The following EPB41L4A variants were observed in gnomAD, a reference collection of about 807,000 sequenced individuals.
The protein encoded by EPB41L4A is band 4.1-like protein 4A.
A neutral mutation model predicts 108.6 loss-of-function variants in EPB41L4A; 100 were observed. The observed-to-expected ratio is 0.92, with a 90% CI of 0.78 to 1.09. The LOEUF (loss-of-function observed/expected upper bound fraction) is 1.09, where lower values mean the gene tolerates loss of function less well. Among genes scored for constraint, EPB41L4A ranks in the 50% least tolerant of loss-of-function variants. The pLI is 0.00. For missense variants in EPB41L4A, 1,030 were observed against 842.7 expected (o/e 1.22, Z -2.75); for synonymous variants, 319 against 289.0 (o/e 1.10, Z -1.05).
At chr5:112,242,219 C>T (rs1212402612) in intron 9 of EPB41L4A, among the ~76,000 whole-genome samples, 3 of 152,196 alleles carry the variant, frequency 2.0e-5, no homozygotes, top group Admixed American at 1.3e-4. Flanking sequence ...CACAGTAGAA[C>T]TTCTTTCAAA....
intron 1 of EPB41L4A, among the ~76,000 whole-genome samples, chr5:112,374,402 T>C (rs186625713): frequency 7.9e-5 from 12 of 152,318 alleles, no homozygotes; most frequent in Admixed American, 3.9e-4. Flanking sequence ...GAAATATCTA[T>C]AGTCAGGGGA....
chr5:112,286,221 A>G (rs1753267948), intron 2 of EPB41L4A, among the ~76,000 whole-genome samples: 1 of 151,664 alleles, frequency 6.6e-6, no homozygotes. Context: ...AGTGTCCTCA[A>G]TTTCCTTGCA....
chr5:112,190,737 A>T (rs1041369276), intron 17 of EPB41L4A, among the ~76,000 whole-genome samples: 17 of 152,322 alleles, frequency 1.1e-4, no homozygotes, highest in Middle Eastern at 6.8e-3. Flanking sequence ...TTTAAAGAGA[A>T]AAAAACTAAT....
At chr5:112,382,841 T>A (rs1252741086) in intron 1 of EPB41L4A, among the ~76,000 whole-genome samples, 1 of 152,210 alleles carries the variant, frequency 6.6e-6, no homozygotes, top group Non-Finnish European at 1.5e-5. Context: ...CTCTCCAACC[T>A]CTTACTGGGC....
Position 112,245,891 on chromosome 5 carries a change from G to A in EPB41L4A, c.796-5081C>T, listed in dbSNP as rs55919756. ...AAGAGTGTCAGAGAGGCTGGGAAGA[G>A]AGAGTGCAACTCTCAAGTGACCCAG... On this transcript the variant is annotated intron_variant, in intron 9 of 22. Coordinates refer to ENST00000261486, the MANE Select transcript of EPB41L4A (RefSeq NM_022140.5). 5.8e-3 allele frequency among the ~76,000 whole-genome samples: 881 copies of A among 152,336 alleles called. 3 individuals carry two copies. The highest frequency in any genetic ancestry group is 0.01 in the Middle Eastern group (3 of 294).
intron 18 of EPB41L4A, among the ~76,000 whole-genome samples, chr5:112,180,891 C>G: frequency 6.6e-6 from 1 of 152,012 alleles, no homozygotes; most frequent in East Asian, 1.9e-4. Context: ...TTAAACTGGA[C>G]AAAAAATTTG....
At chr5:112,212,812 C>T (rs1747301525) in intron 12 of EPB41L4A, among the ~76,000 whole-genome samples, 2 of 151,980 alleles carry the variant, frequency 1.3e-5, no homozygotes, top group South Asian at 4.2e-4. Flanking sequence ...TCCTGTTAAC[C>T]AAGGCCCTGA....
chr5:112,358,183 T>C (rs990223545), intron 1 of EPB41L4A, among the ~76,000 whole-genome samples: 3 of 152,376 alleles, frequency 2.0e-5, no homozygotes, highest in East Asian at 1.9e-4. Context: ...ATTGATTATA[T>C]TGGATCCTTT....
rs1286575540 is a variant in EPB41L4A at position 112,163,609 on chromosome 5, A to G, written c.*1381T>C. The G allele has an allele frequency of 6.6e-6, 1 of 152,204 alleles. No homozygotes were observed. Among genetic ancestry groups the G allele is most frequent in the Non-Finnish European group, 1.5e-5 (1 of 68,054 alleles). The allele number at this position is 152,204 out of a possible 1,614,324, so 9.4% of individuals were successfully genotyped here. On this transcript the variant is annotated 3_prime_UTR_variant, in exon 23 of 23. Transcript: ENST00000261486. ...CTGGGATTAAGTAACACAGTGATTG[A>G]TATTAGTGGAGTAGAGGGAAAGATC...
At chr5:112,312,003 G>A (rs772585164) in intron 1 of EPB41L4A, among the ~76,000 whole-genome samples, 19 of 152,170 alleles carry the variant, frequency 1.2e-4, no homozygotes, top group Non-Finnish European at 1.8e-4. Context: ...CTGAAATTAC[G>A]TATGACAATG....
At chr5:112,222,504 C>G in intron 12 of EPB41L4A, among the ~76,000 whole-genome samples, 1 of 152,158 alleles carries the variant, frequency 6.6e-6, no homozygotes, top group East Asian at 1.9e-4. Context: ...GCAAGGAAAT[C>G]AGCTCAAATT....
At chr5:112,204,035 G>A (rs535862614) in intron 15 of EPB41L4A, among the ~76,000 whole-genome samples, 5 of 148,118 alleles carry the variant, frequency 3.4e-5, no homozygotes, top group Non-Finnish European at 5.9e-5. Flanking sequence ...GTGAAACTCC[G>A]TCTCAAAAAA....
At chr5:112,277,839 A>G (rs1752711790) in intron 3 of EPB41L4A, among the ~76,000 whole-genome samples, 1 of 152,258 alleles carries the variant, frequency 6.6e-6, no homozygotes, top group South Asian at 2.1e-4. Flanking sequence ...ACAAAAAAGT[A>G]AGGTGCTGAT....
intron 2 of EPB41L4A, among the ~76,000 whole-genome samples, chr5:112,293,363 T>A (rs1245552293): frequency 3.8e-5 from 4 of 105,408 alleles, no homozygotes; most frequent in African/African-American, 2.2e-4. Context: ...ATCCTCTCCC[T>A]CCTTTTAATT....
At chr5:112,399,595 T>C (rs1379863680) in intron 1 of EPB41L4A, among the ~76,000 whole-genome samples, 2 of 152,190 alleles carry the variant, frequency 1.3e-5, no homozygotes, top group Non-Finnish European at 2.9e-5. Context: ...TCACCACACA[T>C]AACACTTTCT....
intron 12 of EPB41L4A, among the ~76,000 whole-genome samples, chr5:112,149,225 C>G (rs1025563383): frequency 6.6e-6 from 1 of 152,092 alleles, no homozygotes; most frequent in Non-Finnish European, 1.5e-5. Context: ...GCCTGTAATC[C>G]CAGCACTTTG....
Position 112,339,167 on chromosome 5 carries a change from G to A in EPB41L4A, c.100-31677C>T, listed in dbSNP as rs569175366. 9.2e-5 allele frequency among the ~76,000 whole-genome samples: 14 copies of A among 152,222 alleles called. No individual in the cohort carries two copies. In the South Asian group the frequency reaches 2.7e-3, roughly 29 times the overall value. ...CAATAGGAGCTTTTCAAATGTGGCT[G>A]TGTTCCTTGGCCAAAGGATGAGATT... is the stretch of plus-strand genomic sequence containing the variant. On this transcript the variant is annotated intron_variant, in intron 1 of 22. Coordinates refer to ENST00000261486, the MANE Select transcript of EPB41L4A (RefSeq NM_022140.5).
At chr5:112,185,155 T>TA (rs1438941117) in intron 17 of EPB41L4A, among the ~76,000 whole-genome samples, 1 of 151,774 alleles carries the variant, frequency 6.6e-6, no homozygotes, top group Admixed American at 6.6e-5. Flanking sequence ...CTAATTTATG[T>TA]AAGCTCTTCA....
At chr5:112,415,391 G>A (rs1184354893) in intron 1 of EPB41L4A, among the ~76,000 whole-genome samples, 10 of 152,094 alleles carry the variant, frequency 6.6e-5, no homozygotes, top group African/African-American at 1.9e-4. Context: ...CATTAGTTTA[G>A]TCAATACTCA....
Sources: allele counts gnomAD v4.1 joint callset (sites outside exome capture counted in the v4.1 genomes callset), GRCh38; gene constraint gnomAD v4.1.1; transcripts MANE v1.5; gene names NCBI Gene and HGNC (gene_info 2026-07-23, HGNC 2026-07-21).